The following SYN3 variants were observed in gnomAD, a reference collection of about 807,000 sequenced individuals.
SYN3 encodes the protein synapsin-3.
A neutral mutation model predicts 65.8 loss-of-function variants in SYN3; 35 were observed. That is an observed-to-expected ratio of 0.53 (90% confidence interval 0.41 to 0.70). The LOEUF is 0.70. SYN3 is among the 30% of genes least tolerant of loss of function. The probability of loss-of-function intolerance (pLI) is 0.00; values close to 1 mark genes in which losing one functional copy is unlikely to be tolerated. For synonymous variants in SYN3, 270 were observed against 292.9 expected (o/e 0.92, Z 0.80); for missense variants, 680 against 749.0 (o/e 0.91, Z 1.08).
intron 6 of SYN3, among the ~76,000 whole-genome samples, chr22:32,679,839 C>CTTTTTTTTTTTGTTTTTTTT (rs2060497942): frequency 5.1e-5 from 2 of 39,150 alleles, no homozygotes; most frequent in African/African-American, 1.8e-4. Flanking sequence ...TGTTTTTTGG[C>CTTTTTTTTTTTGTTTTTTTT]TTTTTTTTTT....
At chr22:32,671,728 TACAC>T (rs368754010) in intron 6 of SYN3, among the ~76,000 whole-genome samples, 20 of 119,548 alleles carry the variant, frequency 1.7e-4, no homozygotes, top group African/African-American at 6.8e-4. Context: ...CTCTCACAGG[TACAC>T]ACACATGCTA....
intron 3 of SYN3, among the ~76,000 whole-genome samples, chr22:32,953,399 G>C (rs950786693): frequency 1.3e-5 from 2 of 152,020 alleles, no homozygotes; most frequent in African/African-American, 4.8e-5. Context: ...CATTGGGAGA[G>C]GAAAGAGAAA....
At chr22:32,732,840 T>C (rs1054711602) in intron 6 of SYN3, among the ~76,000 whole-genome samples, 4 of 152,212 alleles carry the variant, frequency 2.6e-5, no homozygotes, top group African/African-American at 7.2e-5. Context: ...GGCAATGCAC[T>C]GGGGGTTTTA....
intron 6 of SYN3, among the ~76,000 whole-genome samples, chr22:32,709,325 T>C (rs1206311159): frequency 6.6e-6 from 1 of 152,230 alleles, no homozygotes; most frequent in Non-Finnish European, 1.5e-5. Context: ...ATGGCTCAAA[T>C]GGCTGAATCC....
At chr22:32,990,396 C>CCACA (rs1306878102) in intron 2 of SYN3, among the ~76,000 whole-genome samples, 5 of 126,346 alleles carry the variant, frequency 4.0e-5, no homozygotes, top group South Asian at 5.3e-4. Flanking sequence ...ACCCATCCAT[C>CCACA]CATCCATCCA....
chr22:32,569,934 T>A (rs1181202533), intron 7 of SYN3, among the ~76,000 whole-genome samples: 3 of 152,202 alleles, frequency 2.0e-5, no homozygotes, highest in African/African-American at 7.2e-5. Flanking sequence ...AGAGATTTTG[T>A]AAAGTCCAGG....
chr22:32,702,896 G>A (rs1248493426), intron 6 of SYN3, among the ~76,000 whole-genome samples: 3 of 152,164 alleles, frequency 2.0e-5, no homozygotes, highest in Non-Finnish European at 2.9e-5. Flanking sequence ...AATAATAACA[G>A]TAAAAATTTA....
chr22:32,585,723 A>T lies in SYN3; in HGVS notation c.774+10951T>A, dbSNP rs537329944. ...ATGGTCCTGCCTTCAACAGGTGAAC[A>T]TTGGGTTACACAGAGAAGCAGGATG... is the stretch of plus-strand genomic sequence containing the variant. On this transcript the variant is annotated intron_variant, in intron 7 of 13. Coordinates refer to ENST00000358763, the MANE Select transcript of SYN3 (RefSeq NM_003490.4). 2.1e-5 allele frequency among the ~76,000 whole-genome samples: 3 copies of T among 140,924 alleles called. No individual in the cohort carries two copies. In the South Asian group the frequency reaches 7.4e-4, roughly 35 times the overall value. 92.5% of individuals were successfully genotyped at this position (140,924 alleles called of 152,430 possible).
At chr22:32,731,257 C>T (rs1424402579) in intron 6 of SYN3, among the ~76,000 whole-genome samples, 2 of 152,152 alleles carry the variant, frequency 1.3e-5, no homozygotes, top group East Asian at 3.9e-4. Context: ...TGTGTGATTT[C>T]AGTTCTCTGG....
intron 6 of SYN3, among the ~76,000 whole-genome samples, chr22:32,743,093 C>CA (rs2147404655): frequency 1.3e-5 from 2 of 152,226 alleles, no homozygotes; most frequent in East Asian, 3.9e-4. Flanking sequence ...CTCCAATTAC[C>CA]AATCAAGTGA....
chr22:32,598,142 C>T (rs146666066), intron 6 of SYN3, among the ~76,000 whole-genome samples: 1 of 152,296 alleles, frequency 6.6e-6, no homozygotes, highest in African/African-American at 2.4e-5. Context: ...TGTCCATGGA[C>T]AGCACTGTCT....
At chr22:32,867,591 A>G (rs961792969) in intron 5 of SYN3, among the ~76,000 whole-genome samples, 3 of 152,084 alleles carry the variant, frequency 2.0e-5, no homozygotes, top group Non-Finnish European at 2.9e-5. Flanking sequence ...GAGGAGTGGT[A>G]TTTTTTCTTT....
rs1206141539 is a variant in SYN3, at chr22:32,734,227, G to C, written c.711+130688C>G. 2.6e-5 allele frequency among the ~76,000 whole-genome samples: 4 copies of C among 152,204 alleles called. 1 individual carries two copies. The East Asian group carries it at 7.7e-4, about 29-fold the overall frequency. ...AACTTCCTGAGCCCTGATTAGGCTG[G>C]TTAACAGTATGAGTGGATACACGCA... On this transcript the variant is annotated intron_variant, in intron 6 of 13. Coordinates refer to ENST00000358763, the MANE Select transcript of SYN3 (RefSeq NM_003490.4).
At chr22:32,628,170 G>T (rs1047336567) in intron 6 of SYN3, among the ~76,000 whole-genome samples, 1 of 152,218 alleles carries the variant, frequency 6.6e-6, no homozygotes, top group African/African-American at 2.4e-5. Flanking sequence ...CACACCCTCA[G>T]CCCTGCTCTC....
Position 32,931,443 on chromosome 22 carries a change from G to T in SYN3, c.408C>A (p.Thr136=), listed in dbSNP as rs148857932. ...FSELNLAAYV[T]GGCMVDMQVV... is the part of the protein sequence containing the mutation. ...CCTGCATGTCCACCATGCAGCCCCCGGTCACATAGGCAGCTAGGTTCAACT... is the reference window on the plus strand; with the variant it reads ...CCTGCATGTCCACCATGCAGCCCCCTGTCACATAGGCAGCTAGGTTCAACT... Residue 136 remains threonine, a synonymous_variant, in exon 4 of 14, where the codon ACC becomes ACA. Transcript: ENST00000358763. 5.6e-6 allele frequency: 9 copies of T among 1,613,738 alleles called. No individual in the cohort carries two copies. The highest frequency in any genetic ancestry group is 7.6e-6 in the Non-Finnish European group (9 of 1,179,900).
At chr22:32,620,223 C>T (rs1463259915) in intron 6 of SYN3, among the ~76,000 whole-genome samples, 1 of 152,154 alleles carries the variant, frequency 6.6e-6, no homozygotes, top group Admixed American at 6.5e-5. Flanking sequence ...CTTGAAAATG[C>T]CATGGTTCTT....
chr22:32,516,252 A>G (rs2057772153), intron 13 of SYN3, among the ~76,000 whole-genome samples: 1 of 152,334 alleles, frequency 6.6e-6, no homozygotes, highest in African/African-American at 2.4e-5. Flanking sequence ...CTGAAAGGAC[A>G]CATAGGAACT....
At position 32,528,879 on chromosome 22, in the gene SYN3, G is replaced by A; in HGVS notation, c.1225C>T (p.Pro409Ser). The A allele has an allele frequency of 1.2e-6, 2 of 1,614,154 alleles. No individual in the cohort carries two copies. The highest frequency in any genetic ancestry group is 1.7e-6 in the Non-Finnish European group (2 of 1,180,036). ...TTTGATCGTGAGGGTCTTACCCAAG[G>A]TCTGAGGGGGGAGGGCGCTGTGCCT... ...PGGTAPSPLR[P>S]WAPQIKSAKS... The change falls in exon 11 of 14, where the codon CCT becomes TCT. Residue 409 changes from proline to serine, a missense_variant. Physicochemically the swap from Pro to Ser is moderately conservative, Grantham distance 74. Transcript: ENST00000358763.
At chr22:32,655,258 C>T (rs1439735111) in intron 6 of SYN3, among the ~76,000 whole-genome samples, 2 of 152,164 alleles carry the variant, frequency 1.3e-5, no homozygotes, top group African/African-American at 4.8e-5. Context: ...AGCGTCCTCA[C>T]CAGACACTGA....
Sources: allele counts gnomAD v4.1 joint callset (sites outside exome capture counted in the v4.1 genomes callset), GRCh38; gene constraint gnomAD v4.1.1; transcripts MANE v1.5; gene names NCBI Gene and HGNC (gene_info 2026-07-23, HGNC 2026-07-21).